Variants in ZNF423 observed in about 807,000 individuals in gnomAD.
The protein encoded by ZNF423 is Ebf-associated zinc finger protein.
In ZNF423, 12 loss-of-function variants were observed where a neutral mutation model predicts 95.8. The ratio of observed to expected loss-of-function variants is 0.13; its 90% CI spans 0.08 to 0.20. The LOEUF is 0.20. Among genes scored for constraint, ZNF423 ranks in the 10% least tolerant of loss-of-function variants. ZNF423 has a pLI of 1.00. For missense variants in ZNF423, 1,316 were observed against 1,737.1 expected, an observed-to-expected ratio of 0.76 and a Z score of 4.31; for synonymous variants, 749 against 711.9, an observed-to-expected ratio of 1.05 and a Z score of -0.83.
chr16:49,732,896 C>T (rs983570843), intron 2 of ZNF423, among the ~76,000 whole-genome samples: 7 of 152,306 alleles, frequency 4.6e-5, no homozygotes, highest in East Asian at 1.9e-4. Context: ...TGGAACTGCG[C>T]GGAGGCAGTA....
intron 5 of ZNF423, among the ~76,000 whole-genome samples, chr16:49,613,205 C>A (rs560092232): frequency 1.3e-5 from 2 of 152,188 alleles, no homozygotes; most frequent in East Asian, 3.9e-4. Context: ...GCAAAAAGAG[C>A]TAGATAGCAA....
intron 5 of ZNF423, among the ~76,000 whole-genome samples, chr16:49,612,474 A>AAAAAC (rs1025455836): frequency 2.6e-5 from 4 of 151,876 alleles, no homozygotes; most frequent in African/African-American, 9.7e-5. Flanking sequence ...TTCATGGTAA[A>AAAAAC]AAACAAACAA....
At chr16:49,811,887 A>G (rs1242343152) in intron 1 of ZNF423, among the ~76,000 whole-genome samples, 2 of 152,158 alleles carry the variant, frequency 1.3e-5, no homozygotes, top group Non-Finnish European at 2.9e-5. Context: ...CCAGCCAGAA[A>G]GAGATTCCGT....
intron 2 of ZNF423, among the ~76,000 whole-genome samples, chr16:49,754,801 A>G (rs1415921804): frequency 6.6e-6 from 1 of 152,222 alleles, no homozygotes; most frequent in Non-Finnish European, 1.5e-5. Context: ...GGAAGGAAAG[A>G]AAAAACTTTT....
intron 3 of ZNF423, among the ~76,000 whole-genome samples, chr16:49,679,266 G>A (rs1370427828): frequency 6.6e-6 from 1 of 152,246 alleles, no homozygotes; most frequent in African/African-American, 2.4e-5. Context: ...GGCCAGGGCT[G>A]CGCCCTCCGT....
At chr16:49,697,901 G>T (rs2032032771) in intron 3 of ZNF423, among the ~76,000 whole-genome samples, 1 of 152,240 alleles carries the variant, frequency 6.6e-6, no homozygotes, top group South Asian at 2.1e-4. Context: ...AGGGACAAAA[G>T]GCAGAGGGGG....
intron 3 of ZNF423, among the ~76,000 whole-genome samples, chr16:49,710,265 ATTC>A (rs1407725368): frequency 6.6e-6 from 1 of 152,092 alleles, no homozygotes; most frequent in African/African-American, 2.4e-5. Context: ...TCTCACCAAA[ATTC>A]TTCTTCCACA....
chr16:49,648,523 T>G (rs546930881), intron 3 of ZNF423, among the ~76,000 whole-genome samples: 1 of 152,000 alleles, frequency 6.6e-6, no homozygotes, highest in East Asian at 1.9e-4. Flanking sequence ...ATGCCTGTAA[T>G]TCCAGGTACT....
intron 2 of ZNF423, among the ~76,000 whole-genome samples, chr16:49,767,261 T>C (rs915259520): frequency 6.6e-6 from 1 of 152,128 alleles, no homozygotes. Context: ...CAGAACCCAA[T>C]TCTTAACCAT....
chr16:49,581,476 T>C (rs12445189), intron 5 of ZNF423, among the ~76,000 whole-genome samples: 38,299 of 152,132 alleles, frequency 0.25, 4,980 homozygotes, highest in East Asian at 0.42. Flanking sequence ...CTGAAATCTC[T>C]GTCCCTTGGA....
chr16:49,547,022 AAAAAC>A (rs1969465560), intron 5 of ZNF423, among the ~76,000 whole-genome samples: 1 of 152,054 alleles, frequency 6.6e-6, no homozygotes, highest in Non-Finnish European at 1.5e-5. Flanking sequence ...AAAAAAAAAA[AAAAAC>A]AATCAGCCAG....
At chr16:49,716,376 G>A (rs1344508377) in intron 3 of ZNF423, among the ~76,000 whole-genome samples, 1 of 152,088 alleles carries the variant, frequency 6.6e-6, no homozygotes, top group African/African-American at 2.4e-5. Context: ...CCAAGGGCGG[G>A]GACAGAGGTG....
chr16:49,499,375 G>A (rs1258979183), intron 7 of ZNF423, among the ~76,000 whole-genome samples: 1 of 152,238 alleles, frequency 6.6e-6, no homozygotes, highest in Non-Finnish European at 1.5e-5. Context: ...TCATGTGAGA[G>A]CCTCAATTCA....
intron 3 of ZNF423, among the ~76,000 whole-genome samples, chr16:49,717,001 C>T (rs1317489014): frequency 6.6e-6 from 1 of 152,044 alleles, no homozygotes; most frequent in Non-Finnish European, 1.5e-5. Context: ...ATCCACATGC[C>T]CATCTCTCAG....
chr16:49,729,752 A>G (rs2033116551), intron 3 of ZNF423, among the ~76,000 whole-genome samples: 2 of 151,976 alleles, frequency 1.3e-5, no homozygotes, highest in African/African-American at 4.8e-5. Flanking sequence ...GTGCAGGCAC[A>G]GATGTCACTA....
chr16:49,635,802 C>T lies in ZNF423; in HGVS notation c.3374G>A (p.Cys1125Tyr), dbSNP rs1464303528. 6.2e-7 allele frequency: 1 copy of T among 1,611,352 alleles called. No homozygotes were observed. The highest frequency in any genetic ancestry group is 1.3e-5 in the African/African-American group (1 of 74,878). The change falls in exon 4 of 8, where the codon TGT (cysteine) becomes TAT (tyrosine). Residue 1125 changes from cysteine to tyrosine, a missense_variant. Cys to Tyr is a radical substitution (Grantham distance 194). This residue lies in a region of ZNF423 where 620 missense variants were observed against 775.6 expected (regional missense o/e 0.80). Coordinates refer to ENST00000563137, the MANE Select transcript of ZNF423 (RefSeq NM_001379286.1). The surrounding 1 kb of genome is among the most constrained non-coding windows in gnomAD (Gnocchi z 4.8). ...GCACTCGGGGCAACGGAGGCCGGCA[C>T]AGGGCCGGTCGGCGGGCTCGGGCGG... ...LAPPEPADRPCAGLRCPECSV... is the reference protein window; with the variant it reads ...LAPPEPADRPYAGLRCPECSV...
At chr16:49,678,134 G>T (rs1250477342) in intron 3 of ZNF423, among the ~76,000 whole-genome samples, 1 of 152,062 alleles carries the variant, frequency 6.6e-6, no homozygotes, top group Non-Finnish European at 1.5e-5. Context: ...AGTGAGCCAA[G>T]ATCGCGCCAC....
intron 5 of ZNF423, among the ~76,000 whole-genome samples, chr16:49,588,039 C>T (rs1457573562): frequency 1.3e-5 from 2 of 152,158 alleles, no homozygotes; most frequent in African/African-American, 2.4e-5. Flanking sequence ...TTGGATATTC[C>T]TCTAGGATAG....
chr16:49,836,792 G>A (rs1308974093), intron 1 of ZNF423, among the ~76,000 whole-genome samples: 1 of 152,058 alleles, frequency 6.6e-6, no homozygotes, highest in Non-Finnish European at 1.5e-5. Context: ...ACAAGAGCAG[G>A]CTTGGAACTC....
Sources: allele counts gnomAD v4.1 joint callset (sites outside exome capture counted in the v4.1 genomes callset), GRCh38; gene constraint gnomAD v4.1.1; regional missense constraint gnomAD v4.1.1; non-coding constraint Gnocchi (gnomAD v3.1); transcripts MANE v1.5; gene names NCBI Gene and HGNC (gene_info 2026-07-23, HGNC 2026-07-21).